The following ART3 variants were observed in gnomAD, a reference collection of about 807,000 sequenced individuals.
ART3 encodes ecto-ADP-ribosyltransferase 3.
ART3 carries 49 observed loss-of-function variants against 48.5 expected under a neutral mutation model. The observed-to-expected ratio is 1.01, with a 90% CI of 0.80 to 1.28. The LOEUF is 1.28. Ranked by LOEUF, ART3 falls within the 50% of genes most tolerant of loss-of-function variation. The probability of loss-of-function intolerance (pLI) is 0.00; values close to 1 mark genes in which losing one functional copy is unlikely to be tolerated. For missense variants in ART3, 438 were observed against 454.3 expected, an observed-to-expected ratio of 0.96 and a Z score of 0.33; for synonymous variants, 145 against 157.2, an observed-to-expected ratio of 0.92 and a Z score of 0.58.
chr4:76,022,759 A>G, intron 1 of ART3: 1 of 1,613,568 alleles, frequency 6.2e-7, no homozygotes, highest in South Asian at 1.1e-5. Flanking sequence ...ACCTTGGATT[A>G]ACAGGTTGAT....
At chr4:76,093,030 G>A (rs934554701) in intron 3 of ART3, among the ~76,000 whole-genome samples, 1 of 152,126 alleles carries the variant, frequency 6.6e-6, no homozygotes, top group African/African-American at 2.4e-5. Context: ...TCCTTCCCAG[G>A]AGCTTAGGCA....
intron 1 of ART3, among the ~76,000 whole-genome samples, chr4:76,069,581 G>T (rs28615853): frequency 0.21 from 31,298 of 151,390 alleles, 5,510 homozygotes; most frequent in African/African-American, 0.48. Flanking sequence ...GTAGATACAC[G>T]GTTTCACCAT....
In ART3 at chr4:76,108,860, GGTAA is replaced by G. The variant is rs776163416; in HGVS notation, c.1036+1071_1036+1074del. ...GTACTGTAGGCAGCGGTAACACAGT[GGTAA>G]GTATTTGTGTATCTAAACATAGAAA... On this transcript the variant is annotated intron_variant, in intron 11 of 11. Coordinates refer to ENST00000355810, the MANE Select transcript of ART3 (RefSeq NM_001130016.3). Among the ~76,000 whole-genome samples, 74 of 152,182 alleles carry G rather than the reference GGTAA, an allele frequency of 4.9e-4. 1 individual carries two copies. The highest frequency in any genetic ancestry group is 1.9e-3 in the South Asian group (9 of 4,820).
chr4:76,092,729 C>T (rs1393954451), intron 3 of ART3, among the ~76,000 whole-genome samples: 1 of 152,026 alleles, frequency 6.6e-6, no homozygotes, highest in Non-Finnish European at 1.5e-5. Context: ...TATTTTTTCA[C>T]CCCTCTCTTC....
chr4:76,067,721 T>A (rs1382658297), intron 1 of ART3, among the ~76,000 whole-genome samples: 1 of 152,246 alleles, frequency 6.6e-6, no homozygotes, highest in Non-Finnish European at 1.5e-5. Flanking sequence ...CACTTAATCT[T>A]GTCAATTAAA....
At chr4:76,064,790 A>G (rs1719554964) in intron 1 of ART3, among the ~76,000 whole-genome samples, 1 of 152,106 alleles carries the variant, frequency 6.6e-6, no homozygotes, top group Non-Finnish European at 1.5e-5. Context: ...TATTGCTTCA[A>G]TTATCAGTGT....
chr4:76,050,572 TCAG>T (rs1390083005), intron 1 of ART3, among the ~76,000 whole-genome samples: 3 of 152,202 alleles, frequency 2.0e-5, no homozygotes, highest in East Asian at 3.9e-4. Context: ...CCCACCAGAC[TCAG>T]GAGCCCAGCT....
Position 76,084,262 on chromosome 4 carries a change from C to T in ART3, c.781+1727C>T, listed in dbSNP as rs116805666. On this transcript the variant is annotated intron_variant, in intron 3 of 11. Transcript: ENST00000355810. Reference sequence around the variant, plus strand: ...AGAGATCTCCTATTTCTTGGATTTGCAACTCTTTCTTGGATTACTACTTTG... The same window carrying T: ...AGAGATCTCCTATTTCTTGGATTTGTAACTCTTTCTTGGATTACTACTTTG... Among the ~76,000 whole-genome samples the T allele has an allele frequency of 8.8e-3, 1,343 of 152,178 alleles. 20 individuals are homozygous for T. The highest frequency in any genetic ancestry group is 0.059 in the East Asian group (305 of 5,178).
rs1722666879 is a variant in ART3 at position 76,082,352 on chromosome 4, G to A, written c.598G>A (p.Val200Met). 5 of 1,613,726 alleles carry A rather than the reference G, an allele frequency of 3.1e-6. No homozygotes were observed. The highest frequency in any genetic ancestry group is 1.7e-5 in the Admixed American group (1 of 59,962). The change falls in exon 3 of 12, where the codon GTG becomes ATG. Residue 200 changes from valine (V) to methionine (M), a missense_variant. Physicochemically the swap from Val to Met is conservative, Grantham distance 21 (BLOSUM62 1). This residue lies in a region of ART3 where 227 missense variants were observed against 229.6 expected (regional missense o/e 0.99). Transcript: ENST00000355810. ...TCAGGCTGCTAATGACCAGCTCACT[G>A]TGTTATCCATCTACACATGCCTTGG... is the stretch of plus-strand genomic sequence containing the variant. ...KPQAANDQLT[V>M]LSIYTCLGVD...
chr4:76,022,737 GT>G, intron 1 of ART3: 1 of 1,613,772 alleles, frequency 6.2e-7, no homozygotes, highest in South Asian at 1.1e-5. Flanking sequence ...ATAATTTCAA[GT>G]TTTTCTAAAG....
chr4:76,079,730 G>C (rs557041786), intron 2 of ART3, among the ~76,000 whole-genome samples: 9 of 152,120 alleles, frequency 5.9e-5, no homozygotes, highest in African/African-American at 1.9e-4. Flanking sequence ...TGAGCTATAC[G>C]TGGGAAATGA....
intron 1 of ART3, among the ~76,000 whole-genome samples, chr4:76,025,689 G>A (rs1024823145): frequency 6.6e-6 from 1 of 152,096 alleles, no homozygotes; most frequent in African/African-American, 2.4e-5. Flanking sequence ...CTTTTGCTCA[G>A]TATAATGTTT....
upstream of ART3, among the ~76,000 whole-genome samples, chr4:76,073,189 C>T (rs956521211): frequency 2.0e-5 from 3 of 152,296 alleles, no homozygotes; most frequent in South Asian, 6.2e-4. Context: ...ATTTTAAGGA[C>T]TCAAATATTT....
At chr4:76,022,794 G>C in intron 1 of ART3, 5 of 1,611,540 alleles carry the variant, frequency 3.1e-6, no homozygotes, top group Non-Finnish European at 4.2e-6. Flanking sequence ...CAGGTACAGC[G>C]TACAGTTCTA....
intron 3 of ART3, among the ~76,000 whole-genome samples, chr4:76,092,740 T>G (rs566649647): frequency 9.8e-5 from 15 of 152,324 alleles, no homozygotes; most frequent in African/African-American, 3.1e-4. Context: ...CCCTCTCTTC[T>G]TCCTTTAGGG....
chr4:76,029,471 A>G (rs1346548484), intron 1 of ART3, among the ~76,000 whole-genome samples: 1 of 152,202 alleles, frequency 6.6e-6, no homozygotes, highest in Non-Finnish European at 1.5e-5. Context: ...ATAATCTCAG[A>G]CTTGCTCAAT....
chr4:76,087,562 G>A (rs2149589220), intron 3 of ART3, among the ~76,000 whole-genome samples: 1 of 152,216 alleles, frequency 6.6e-6, no homozygotes, highest in East Asian at 1.9e-4. Context: ...GTTTCTAAAA[G>A]GGGTAAAAAA....
At chr4:76,033,507 G>C (rs1466113468) in intron 1 of ART3, among the ~76,000 whole-genome samples, 1 of 152,068 alleles carries the variant, frequency 6.6e-6, no homozygotes, top group Non-Finnish European at 1.5e-5. Flanking sequence ...AAGTAAGAAG[G>C]GGGTTTGGAC....
chr4:76,026,165 G>A (rs1386297915), intron 1 of ART3, among the ~76,000 whole-genome samples: 6 of 151,522 alleles, frequency 4.0e-5, no homozygotes, highest in East Asian at 3.9e-4. Flanking sequence ...CCTCCTGTTC[G>A]TCACATAGAG....
Sources: allele counts gnomAD v4.1 joint callset (sites outside exome capture counted in the v4.1 genomes callset), GRCh38; gene constraint gnomAD v4.1.1; regional missense constraint gnomAD v4.1.1; transcripts MANE v1.5; gene names NCBI Gene and HGNC (gene_info 2026-07-23, HGNC 2026-07-21).